The following NGEF variants were observed in gnomAD, a reference collection of about 807,000 sequenced individuals.
NGEF encodes the protein neuronal guanine nucleotide exchange factor, also known as ephexin-1.
In NGEF, 31 loss-of-function variants were observed where a neutral mutation model predicts 80.9. The ratio of observed to expected loss-of-function variants is 0.38; its 90% CI spans 0.29 to 0.52. The LOEUF (loss-of-function observed/expected upper bound fraction) is 0.52, where lower values mean the gene tolerates loss of function less well. Among genes scored for constraint, NGEF ranks in the 20% least tolerant of loss-of-function variants. NGEF has a pLI of 0.84. For synonymous variants in NGEF, 371 were observed against 370.2 expected (o/e 1.00, Z -0.03); for missense variants, 709 against 926.2 (o/e 0.77, Z 3.04).
chr2:232,934,241 CAAAAAAAA>C (rs11329977), intron 3 of NGEF, among the ~76,000 whole-genome samples: 1,014 of 98,846 alleles, frequency 0.01, 17 homozygotes, highest in African/African-American at 0.037. Context: ...GACTGCATCT[CAAAAAAAA>C]AAAAAAAAAA....
intron 1 of NGEF, among the ~76,000 whole-genome samples, chr2:232,976,219 C>T (rs1694290572): frequency 6.6e-6 from 1 of 152,094 alleles, no homozygotes; most frequent in African/African-American, 2.4e-5. Flanking sequence ...CCTTCCAGTC[C>T]TCTTCTGTTG....
At chr2:232,998,573 T>A in intron 1 of NGEF, among the ~76,000 whole-genome samples, 1 of 152,060 alleles carries the variant, frequency 6.6e-6, no homozygotes, top group East Asian at 1.9e-4. Flanking sequence ...GGGGCTACAG[T>A]CCGCTCAGTA....
At chr2:232,967,489 C>G (rs1694085816) in intron 3 of NGEF, among the ~76,000 whole-genome samples, 1 of 140,450 alleles carries the variant, frequency 7.1e-6, no homozygotes, top group Admixed American at 6.9e-5. Flanking sequence ...CATGTACTAC[C>G]ATCCCGGACT....
At chr2:232,982,598 C>G (rs1448388383) in intron 1 of NGEF, among the ~76,000 whole-genome samples, 3 of 152,184 alleles carry the variant, frequency 2.0e-5, no homozygotes, top group African/African-American at 7.2e-5. Flanking sequence ...ACTGCAACCT[C>G]CACCTCCCGG....
chr2:232,988,793 C>T (rs964642226), intron 1 of NGEF, among the ~76,000 whole-genome samples: 1 of 152,094 alleles, frequency 6.6e-6, no homozygotes, highest in African/African-American at 2.4e-5. Flanking sequence ...AAATTCTAAA[C>T]ATTTTCACAA....
intron 1 of NGEF, among the ~76,000 whole-genome samples, chr2:233,009,760 G>T (rs1174334253): frequency 2.6e-5 from 4 of 152,180 alleles, no homozygotes; most frequent in African/African-American, 9.7e-5. Context: ...GCCACCAGGT[G>T]CAGGGTGCAG....
intron 1 of NGEF, among the ~76,000 whole-genome samples, chr2:232,998,681 T>C (rs1331308792): frequency 1.3e-5 from 2 of 152,116 alleles, no homozygotes; most frequent in Non-Finnish European, 2.9e-5. Flanking sequence ...TTTCCCACAG[T>C]GGCTGTGGTG....
At chr2:233,007,711 C>T (rs572308834) in intron 1 of NGEF, among the ~76,000 whole-genome samples, 9 of 152,174 alleles carry the variant, frequency 5.9e-5, no homozygotes, top group Non-Finnish European at 1.2e-4. Context: ...AGCATCCAAA[C>T]GACTTCATTA....
chr2:232,884,328 G>A (rs1691606701), intron 10 of NGEF, among the ~76,000 whole-genome samples, 184 bp from the exon 11 acceptor site: 1 of 152,224 alleles, frequency 6.6e-6, no homozygotes. Context: ...GTGTGTGTGT[G>A]TGTGAACATG....
chr2:232,963,284 A>G (rs1693989719), intron 3 of NGEF, among the ~76,000 whole-genome samples: 1 of 151,940 alleles, frequency 6.6e-6, no homozygotes, highest in Non-Finnish European at 1.5e-5. Context: ...GTACCAATGC[A>G]GCTCTTTGAT....
At chr2:232,966,176 C>T (rs183017350) in intron 3 of NGEF, among the ~76,000 whole-genome samples, 2 of 152,290 alleles carry the variant, frequency 1.3e-5, no homozygotes, top group Admixed American at 1.3e-4. Context: ...CTCCCCACCC[C>T]CCAGCTGCTG....
chr2:232,980,067 G>A (rs904397989), intron 1 of NGEF, among the ~76,000 whole-genome samples: 5 of 152,208 alleles, frequency 3.3e-5, no homozygotes, highest in African/African-American at 1.2e-4. Flanking sequence ...GGGGGGACCT[G>A]TGATGTGGTC....
rs1295587230 is a variant in NGEF at position 232,906,326 on chromosome 2, C to A, written c.829-11410G>T. On this transcript the variant is annotated intron_variant, in intron 5 of 14. Coordinates refer to ENST00000264051, the MANE Select transcript of NGEF (RefSeq NM_019850.3). ...GAGGAGCCCCTCTGCCCGGCCACCA[C>A]CCCGTGTGGGAGGGAGGTGGGGGGG... Among the ~76,000 whole-genome samples the A allele has an allele frequency of 5.1e-5, 5 of 97,964 alleles. 1 individual carries two copies. The highest frequency in any genetic ancestry group is 2.0e-4 in the Admixed American group (2 of 9,946). 64.3% of individuals were successfully genotyped at this position (97,964 alleles called of 152,430 possible).
intron 1 of NGEF, 133 bp from the exon 2 acceptor site, chr2:232,975,097 C>A: frequency 1.8e-6 from 1 of 568,550 alleles, no homozygotes; most frequent in Non-Finnish European, 3.1e-6. Context: ...CACGTCTTCG[C>A]CACTGAAAAT....
chr2:232,979,516 G>T (rs1399619458), intron 1 of NGEF, among the ~76,000 whole-genome samples: 2 of 152,110 alleles, frequency 1.3e-5, no homozygotes, highest in South Asian at 2.1e-4. Flanking sequence ...CGTCTATAAC[G>T]ATTAACTGCC....
At chr2:232,917,953 CTTAT>C (rs895688540) in intron 5 of NGEF, among the ~76,000 whole-genome samples, 4 of 151,484 alleles carry the variant, frequency 2.6e-5, no homozygotes, top group South Asian at 2.1e-4. Flanking sequence ...AATTATTTTA[CTTAT>C]TTATTTATTT....
Position 232,894,914 on chromosome 2 carries a change from G to A in NGEF, c.831C>T (p.Ala277=). The change falls in exon 6 of 15, where the codon GCC becomes GCT. Residue 277 remains alanine, a splice_region_variant and synonymous_variant. Transcript: ENST00000264051. ...CCTCGGAAGTGACCAGCTCGAACAT[G>A]GCCTGTAGCAGGGAGACCCCATGGT... ...LQPEEIKLQE[A]MFELVTSEAS... The A allele has an allele frequency of 6.3e-7, 1 of 1,583,530 alleles. No homozygotes were observed. Among genetic ancestry groups the A allele is most frequent in the Non-Finnish European group, 8.7e-7 (1 of 1,155,888 alleles).
At position 232,970,262 on chromosome 2, in the gene NGEF, G is replaced by A; in HGVS notation, c.335C>T (p.Pro112Leu). ...TGTCTGCATTGCTGTTCTGCAAGGAGGCATTCTGCTCCAGGGGATATTCAA... is the reference window on the plus strand; with the variant it reads ...TGTCTGCATTGCTGTTCTGCAAGGAAGCATTCTGCTCCAGGGGATATTCAA... ...LTLNIPWSRM[P>L]PCRTAMQTDP... is the part of the protein sequence containing the mutation. Residue 112 changes from proline (P) to leucine (L), a missense_variant, in exon 3 of 15, where the codon CCT becomes CTT. Coordinates refer to ENST00000264051, the MANE Select transcript of NGEF (RefSeq NM_019850.3). The A allele has an allele frequency of 6.2e-7, 1 of 1,606,446 alleles. No individual in the cohort carries two copies. The highest frequency in any genetic ancestry group is 8.5e-7 in the Non-Finnish European group (1 of 1,177,620).
intron 3 of NGEF, among the ~76,000 whole-genome samples, chr2:232,966,452 A>G (rs1271486765): frequency 6.6e-6 from 1 of 152,068 alleles, no homozygotes; most frequent in Non-Finnish European, 1.5e-5. Context: ...CTCCCCTTGC[A>G]GGCTGCTTCA....
Sources: gnomAD v4.1 joint callset for allele counts (sites outside exome capture counted in the v4.1 genomes callset) on GRCh38, gnomAD v4.1.1 for gene constraint, MANE v1.5 for transcripts, NCBI Gene and HGNC (gene_info 2026-07-23, HGNC 2026-07-21) for gene names.